The following DPP10 variants were observed in gnomAD, a reference collection of about 807,000 sequenced individuals.
The protein encoded by DPP10 is inactive dipeptidyl peptidase 10.
DPP10 carries 33 observed loss-of-function variants against 120.9 expected under a neutral mutation model. That is an observed-to-expected ratio of 0.27 (90% confidence interval 0.21 to 0.37). The LOEUF (loss-of-function observed/expected upper bound fraction) is 0.37. Among genes scored for constraint, DPP10 ranks in the 10% least tolerant of loss-of-function variants. The pLI is 1.00. For synonymous variants in DPP10, 337 were observed against 326.1 expected (o/e 1.03, Z -0.36); for missense variants, 816 against 942.8 (o/e 0.87, Z 1.76).
chr2:115,572,222 T>A (rs1197029074), intron 5 of DPP10, among the ~76,000 whole-genome samples: 1 of 152,154 alleles, frequency 6.6e-6, no homozygotes, highest in Non-Finnish European at 1.5e-5. Flanking sequence ...AACATTTTTT[T>A]TTTTTGCATC....
chr2:115,724,958 C>T (rs1031008118), intron 7 of DPP10, among the ~76,000 whole-genome samples: 9 of 152,108 alleles, frequency 5.9e-5, no homozygotes, highest in Non-Finnish European at 1.3e-4. Flanking sequence ...ATTGTGAGGA[C>T]GGCACCCAGC....
At chr2:115,360,726 G>A (rs1482590508) in intron 3 of DPP10, among the ~76,000 whole-genome samples, 1 of 152,188 alleles carries the variant, frequency 6.6e-6, no homozygotes, top group Admixed American at 6.5e-5. Context: ...CCCATGGAGT[G>A]GCCTGAGCCA....
chr2:115,169,352 C>T (rs1215281151), intron 1 of DPP10, among the ~76,000 whole-genome samples: 5 of 152,022 alleles, frequency 3.3e-5, no homozygotes, highest in Non-Finnish European at 7.4e-5. Context: ...AGGATATTTT[C>T]TTCTTTTACA....
At chr2:114,452,590 C>G (rs1227834767) in intron 1 of DPP10, among the ~76,000 whole-genome samples, 1 of 152,120 alleles carries the variant, frequency 6.6e-6, no homozygotes, top group Non-Finnish European at 1.5e-5. Flanking sequence ...CACTTATGAT[C>G]ATGGTCTTTT....
intron 5 of DPP10, among the ~76,000 whole-genome samples, chr2:115,684,984 C>T (rs188070315): frequency 6.6e-6 from 1 of 151,902 alleles, no homozygotes; most frequent in East Asian, 1.9e-4. Flanking sequence ...GTACTAGCTC[C>T]CTGAAAGGTA....
intron 4 of DPP10, among the ~76,000 whole-genome samples, chr2:115,503,490 T>C (rs181869397): frequency 4.6e-5 from 7 of 152,272 alleles, no homozygotes; most frequent in Middle Eastern, 3.4e-3. Context: ...GATAAAGAAT[T>C]ACTGAACAAA....
chr2:115,104,124 G>A (rs2048831046), intron 1 of DPP10, among the ~76,000 whole-genome samples: 1 of 148,658 alleles, frequency 6.7e-6, no homozygotes, highest in South Asian at 2.1e-4. Context: ...GTGTCATGTT[G>A]GTGCTTTAAA....
At chr2:114,607,627 G>T (rs1274384878) in intron 1 of DPP10, among the ~76,000 whole-genome samples, 1 of 152,146 alleles carries the variant, frequency 6.6e-6, no homozygotes, top group East Asian at 1.9e-4. Flanking sequence ...CATTTACTGA[G>T]TCCAGCTCTG....
chr2:115,033,039 A>G (rs1378172675), intron 1 of DPP10, among the ~76,000 whole-genome samples: 2 of 152,154 alleles, frequency 1.3e-5, no homozygotes, highest in African/African-American at 4.8e-5. Context: ...TCTCTCTTGA[A>G]TATAACAGTC....
At chr2:115,568,171 TC>T (rs1483731626) in intron 5 of DPP10, among the ~76,000 whole-genome samples, 1 of 116,610 alleles carries the variant, frequency 8.6e-6, no homozygotes, top group African/African-American at 3.4e-5. Flanking sequence ...AGAGAGAGAC[TC>T]CGTCTCAAAA....
chr2:114,452,561 C>T (rs1558771206), intron 1 of DPP10, among the ~76,000 whole-genome samples: 2 of 152,094 alleles, frequency 1.3e-5, no homozygotes. Flanking sequence ...TGTCCATTCG[C>T]TCCTTTAAAC....
At chr2:114,879,513 C>G (rs555873671) in intron 1 of DPP10, among the ~76,000 whole-genome samples, 206 of 152,182 alleles carry the variant, frequency 1.4e-3, no homozygotes, top group Admixed American at 2.6e-3. Flanking sequence ...TGCAACGTGC[C>G]TTTTCTTTCA....
At chr2:115,091,204 C>T (rs11695180) in intron 1 of DPP10, among the ~76,000 whole-genome samples, 74,356 of 151,996 alleles carry the variant, frequency 0.49, 18,828 homozygotes, top group East Asian at 0.62. Flanking sequence ...TTCCACTGTA[C>T]GACTTCCTCT....
Position 115,666,339 on chromosome 2 carries a change from C to T in DPP10, c.442-23348C>T, listed in dbSNP as rs183583689. 6.9e-4 allele frequency among the ~76,000 whole-genome samples: 105 copies of T among 152,152 alleles called. 1 individual carries two copies. Among genetic ancestry groups the T allele is most frequent in the African/African-American group, 1.9e-3 (79 of 41,528 alleles). On this transcript the variant is annotated intron_variant, in intron 5 of 25. Coordinates refer to ENST00000410059, the MANE Select transcript of DPP10 (RefSeq NM_020868.6). ...AGGGAAGCAGGCACCTTCTTCACAG[C>T]GCTGCAAGAAAGAACCAACAGGGGA...
At chr2:115,404,643 G>A (rs1047500416) in intron 3 of DPP10, among the ~76,000 whole-genome samples, 4 of 152,004 alleles carry the variant, frequency 2.6e-5, no homozygotes, top group East Asian at 1.9e-4. Context: ...AAAAAAAGAC[G>A]TTTATTTTGG....
rs117540632 is a variant in DPP10, at chr2:114,520,040, C to T, written c.60+77202C>T. ...AAGAAAATTCTACTGAAACAACTGACCAATCTTCTTTCCTTAGAAAAATCA... is the reference window on the plus strand; with the variant it reads ...AAGAAAATTCTACTGAAACAACTGATCAATCTTCTTTCCTTAGAAAAATCA... On this transcript the variant is annotated intron_variant, in intron 1 of 25. Transcript: ENST00000410059. Among the ~76,000 whole-genome samples the T allele has an allele frequency of 1.1e-3, 169 of 152,312 alleles. 3 individuals are homozygous for T. In the East Asian group the frequency reaches 0.029, roughly 26 times the overall value.
intron 1 of DPP10, among the ~76,000 whole-genome samples, chr2:115,166,295 GAA>G (rs2052837595): frequency 6.6e-6 from 1 of 151,270 alleles, no homozygotes; most frequent in East Asian, 1.9e-4. Context: ...AAATCATATT[GAA>G]AAATTTTAAT....
At chr2:114,785,239 T>G (rs540429258) in intron 1 of DPP10, among the ~76,000 whole-genome samples, 1 of 146,462 alleles carries the variant, frequency 6.8e-6, no homozygotes, top group African/African-American at 2.6e-5. Flanking sequence ...GAATAGGGCA[T>G]GCTTTGCTGG....
chr2:115,395,012 T>C (rs2067579501), intron 3 of DPP10, among the ~76,000 whole-genome samples: 1 of 152,204 alleles, frequency 6.6e-6, no homozygotes, highest in South Asian at 2.1e-4. Context: ...GACAAAAGTT[T>C]ATGTTCTCAA....
Sources: allele counts gnomAD v4.1 joint callset (sites outside exome capture counted in the v4.1 genomes callset), GRCh38; gene constraint gnomAD v4.1.1; transcripts MANE v1.5; gene names NCBI Gene and HGNC (gene_info 2026-07-23, HGNC 2026-07-21).